Variants in CCNY observed in about 807,000 individuals in gnomAD.
CCNY encodes cyclin-Y.
In CCNY, 19 loss-of-function variants were observed where a neutral mutation model predicts 42.8. The observed-to-expected ratio is 0.44, with a 90% confidence interval of 0.31 to 0.65. The LOEUF is 0.65. Among genes scored for constraint, CCNY ranks in the 30% least tolerant of loss-of-function variants. CCNY has a pLI of 0.07. For synonymous variants in CCNY, 165 were observed against 162.7 expected (o/e 1.01, Z -0.11); for missense variants, 370 against 437.3 (o/e 0.85, Z 1.37).
chr10:35,567,381 G>A (rs2135467153), intron 9 of CCNY, among the ~76,000 whole-genome samples: 1 of 152,346 alleles, frequency 6.6e-6, no homozygotes, highest in Admixed American at 6.5e-5. Flanking sequence ...CTTTTGGCAG[G>A]AGGAAAGGGG....
chr10:35,471,582 C>T (rs530243585), intron 1 of CCNY, among the ~76,000 whole-genome samples: 2 of 152,316 alleles, frequency 1.3e-5, no homozygotes, highest in East Asian at 1.9e-4. Flanking sequence ...AACTGTGCCA[C>T]ATGCCGTTTG....
chr10:35,313,980 A>G (rs996724370), intron 3 of CCNY, among the ~76,000 whole-genome samples: 10 of 150,312 alleles, frequency 6.7e-5, no homozygotes, highest in African/African-American at 2.4e-4. Context: ...CATCTCGGAA[A>G]AAAAAAAAAA....
intron 1 of CCNY, among the ~76,000 whole-genome samples, chr10:35,362,352 T>C (rs538210037): frequency 7.2e-5 from 11 of 152,222 alleles, no homozygotes; most frequent in African/African-American, 2.6e-4. Flanking sequence ...GAGAGAGAGA[T>C]TGAGTACTGG....
At chr10:35,334,406 C>T (rs1031578623), upstream of CCNY, among the ~76,000 whole-genome samples, 4 of 152,298 alleles carry the variant, frequency 2.6e-5, no homozygotes, top group Middle Eastern at 3.4e-3. Context: ...CAACAACAGA[C>T]AACAAGGGAA....
intron 3 of CCNY, among the ~76,000 whole-genome samples, chr10:35,303,441 G>C (rs948599639): frequency 1.3e-5 from 2 of 149,918 alleles, no homozygotes; most frequent in Non-Finnish European, 3.0e-5. Context: ...CAGCCTCCCA[G>C]AGTGCTAGGA....
intron 4 of CCNY, among the ~76,000 whole-genome samples, chr10:35,519,564 C>T (rs565730275): frequency 2.0e-5 from 3 of 151,962 alleles, no homozygotes; most frequent in Admixed American, 2.0e-4. Flanking sequence ...ACCCTCCCCT[C>T]CCCCACCAAT....
chr10:35,303,658 T>A (rs1380886466), intron 3 of CCNY, among the ~76,000 whole-genome samples: 2 of 148,736 alleles, frequency 1.3e-5, no homozygotes, highest in Non-Finnish European at 3.0e-5. Context: ...ATGCCTGTAA[T>A]CCCAGCTACT....
intron 5 of CCNY, 56 bp downstream of exon 5, chr10:35,526,055 C>T: frequency 6.8e-7 from 1 of 1,460,330 alleles, no homozygotes; most frequent in Non-Finnish European, 9.5e-7. Context: ...TTATGTTGTT[C>T]CTATTTTTTC....
At chr10:35,417,642 T>TG (rs2135257754) in intron 1 of CCNY, among the ~76,000 whole-genome samples, 1 of 152,248 alleles carries the variant, frequency 6.6e-6, no homozygotes, top group South Asian at 2.1e-4. Flanking sequence ...AATTCTAGGG[T>TG]GTTTGCCTTT....
intron 1 of CCNY, among the ~76,000 whole-genome samples, chr10:35,450,921 A>C (rs1838902355): frequency 6.6e-6 from 1 of 152,146 alleles, no homozygotes; most frequent in African/African-American, 2.4e-5. Flanking sequence ...GTTTAAAAGA[A>C]GGGGTGTGGG....
chr10:35,515,406 T>G (rs780884355), intron 3 of CCNY, among the ~76,000 whole-genome samples: 3 of 152,256 alleles, frequency 2.0e-5, no homozygotes, highest in Non-Finnish European at 4.4e-5. Flanking sequence ...TTTCTCAGAC[T>G]GCCTCACATT....
intron 3 of CCNY, among the ~76,000 whole-genome samples, chr10:35,273,544 C>A (rs1418474911): frequency 1.3e-5 from 2 of 152,064 alleles, no homozygotes; most frequent in African/African-American, 4.8e-5. Context: ...TTTACTTGTA[C>A]TCTCTGGCCT....
chr10:35,269,282 C>T (rs2095728759), intron 3 of CCNY, among the ~76,000 whole-genome samples: 1 of 150,982 alleles, frequency 6.6e-6, no homozygotes, highest in African/African-American at 2.4e-5. Context: ...TCCTTCCTTC[C>T]TTCCTTCCTT....
chr10:35,479,618 A>AG (rs1289124710), intron 1 of CCNY, among the ~76,000 whole-genome samples: 42 of 44,530 alleles, frequency 9.4e-4, no homozygotes, highest in East Asian at 3.0e-3. Flanking sequence ...GGGTGGGGGG[A>AG]GGGGGGGGAG....
At chr10:35,469,925 G>GAGAT (rs1331305601) in intron 1 of CCNY, among the ~76,000 whole-genome samples, 1 of 146,138 alleles carries the variant, frequency 6.8e-6, no homozygotes, top group Non-Finnish European at 1.5e-5. Flanking sequence ...GACAGACAGG[G>GAGAT]AGATAGGGCA....
intron 1 of CCNY, among the ~76,000 whole-genome samples, chr10:35,363,143 A>G (rs1836729872): frequency 7.1e-6 from 1 of 140,908 alleles, no homozygotes; most frequent in Non-Finnish European, 1.5e-5. Context: ...CACTTCCCAG[A>G]CGGTAGGGTG....
intron 3 of CCNY, among the ~76,000 whole-genome samples, chr10:35,273,657 C>T (rs975184589): frequency 6.6e-5 from 10 of 152,050 alleles, no homozygotes; most frequent in Admixed American, 1.3e-4. Context: ...TCATGATAAG[C>T]GTCTCTGCCC....
At chr10:35,514,642 A>G (rs1371955612) in intron 3 of CCNY, among the ~76,000 whole-genome samples, 1 of 152,182 alleles carries the variant, frequency 6.6e-6, no homozygotes. Context: ...TAGGGAAACC[A>G]TTTATTCTTT....
At chr10:35,555,186 A>G (rs1341173333) in intron 8 of CCNY, among the ~76,000 whole-genome samples, 1 of 152,196 alleles carries the variant, frequency 6.6e-6, no homozygotes, top group Non-Finnish European at 1.5e-5. Context: ...CTCCAACAAA[A>G]TAACCAAGTG....
Sources: gnomAD v4.1 joint callset for allele counts (sites outside exome capture counted in the v4.1 genomes callset) on GRCh38, gnomAD v4.1.1 for gene constraint, MANE v1.5 for transcripts, NCBI Gene and HGNC (gene_info 2026-07-23, HGNC 2026-07-21) for gene names.